The following CFAP157 variants were observed in gnomAD, a reference collection of about 807,000 sequenced individuals.
The protein encoded by CFAP157 is cilia and flagella associated protein 157.
CFAP157 carries 43 observed loss-of-function variants against 57.8 expected under a neutral mutation model. That is an observed-to-expected ratio of 0.74 (90% CI 0.58 to 0.96). The LOEUF (loss-of-function observed/expected upper bound fraction) is 0.96. Among genes scored for constraint, CFAP157 ranks in the 40% least tolerant of loss-of-function variants. The probability of loss-of-function intolerance (pLI) is 0.00; values close to 1 mark genes in which losing one functional copy is unlikely to be tolerated. For missense variants in CFAP157, 606 were observed against 655.3 expected (o/e 0.92, Z 0.82); for synonymous variants, 267 against 269.0 (o/e 0.99, Z 0.07).
chr9:127,708,091 C>T (rs1447685751), intron 1 of CFAP157, among the ~76,000 whole-genome samples: 1 of 152,212 alleles, frequency 6.6e-6, no homozygotes, highest in African/African-American at 2.4e-5. Context: ...CTCCTGACTC[C>T]CCTATGCAAG....
chr9:127,715,949 C>T lies in CFAP157; in HGVS notation c.*2044C>T, dbSNP rs956784004. 24 of 833,492 alleles carry T rather than the reference C, an allele frequency of 2.9e-5. No individual in the cohort carries two copies. The highest frequency in any genetic ancestry group is 3.7e-5 in the Non-Finnish European group (20 of 536,046). The allele number at this position is 833,492 out of a possible 1,614,324, so 51.6% of individuals were successfully genotyped here. A position where few individuals can be genotyped will look rare whatever the true frequency, so the allele number is the denominator to read the frequency against. On this transcript the variant is annotated 3_prime_UTR_variant, in exon 9 of 9. Coordinates refer to ENST00000373295, the MANE Select transcript of CFAP157 (RefSeq NM_001012502.3). The surrounding 1 kb of genome is among the most constrained non-coding windows in gnomAD (Gnocchi z 5.8). ...GACTTGCGGCGAAAATCTGGCAAGT[C>T]CTTTCCCCGCTGTAGGCCTCAACCT...
chr9:127,712,983 G>T, intron 7 of CFAP157, 37 bp from the exon 8 acceptor site: 2 of 1,604,690 alleles, frequency 1.2e-6, no homozygotes, highest in Non-Finnish European at 1.7e-6. Flanking sequence ...AACCTGGCTC[G>T]CCGAAGGCTC....
At position 127,713,054 on chromosome 9, in the gene CFAP157, C is replaced by G. The variant is rs1842804946; in HGVS notation, c.1339C>G (p.Leu447Val). ...CATCCAGCTGCCCAGGACTGGGTCTCTGCTGCCGCAGCTCTCTGACATCAC... is the reference window on the plus strand; with the variant it reads ...CATCCAGCTGCCCAGGACTGGGTCTGTGCTGCCGCAGCTCTCTGACATCAC... ...PSIQLPRTGS[L>V]LPQLSDITPY... The change falls in exon 8 of 9, where the codon CTG becomes GTG. Residue 447 changes from leucine (L) to valine (V), a missense_variant. Transcript: ENST00000373295. 1 of 1,613,768 alleles carries G rather than the reference C, an allele frequency of 6.2e-7. No individual in the cohort carries two copies.
In CFAP157 at chr9:127,711,401, C is replaced by A. The variant is rs1315778884; in HGVS notation, c.760C>A (p.Gln254Lys). The change falls in exon 4 of 9, where the codon CAG becomes AAG. Residue 254 changes from glutamine (Q) to lysine (K), a missense_variant. Gln to Lys is a moderately conservative substitution (Grantham distance 53). Transcript: ENST00000373295. ...CATGAAGCTGCTGCAGGAGAATGAG[C>A]AGCTCAAGGGAAGACAGAACAATCT... ...QGMKLLQENE[Q>K]LKGRQNNLCK... 1 of 1,614,204 alleles carries A rather than the reference C, an allele frequency of 6.2e-7. No homozygotes were observed.
chr9:127,710,403 G>A (rs778421938), intron 2 of CFAP157, among the ~76,000 whole-genome samples, 198 bp from the exon 3 acceptor site: 1 of 152,214 alleles, frequency 6.6e-6, no homozygotes, highest in Non-Finnish European at 1.5e-5. Context: ...ATGGAGGGGT[G>A]GAGGGAGGGC....
Position 127,713,196 on chromosome 9 carries a change from G to A in CFAP157, c.1481G>A (p.Ser494Asn). ...CGTGTGGGGACCTTCCGGGCACACA[G>A]CAGCCCTGAGGTGAGGGTGCCAGGG... ...ITRVGTFRAH[S>N]SPEMRAPGSL... Residue 494 changes from serine to asparagine, a missense_variant, in exon 8 of 9, where the codon AGC becomes AAC. Physicochemically the swap from Ser to Asn is conservative, Grantham distance 46. Coordinates refer to ENST00000373295, the MANE Select transcript of CFAP157 (RefSeq NM_001012502.3). 6.5e-7 allele frequency: 1 copy of A among 1,546,548 alleles called. No homozygotes were observed. The highest frequency in any genetic ancestry group is 1.2e-5 in the South Asian group (1 of 80,042).
chr9:127,711,240 A>G lies in CFAP157; in HGVS notation c.599A>G (p.Glu200Gly), dbSNP rs1384207974. The change falls in exon 4 of 9, where the codon GAG (glutamate) becomes GGG (glycine). Residue 200 changes from glutamate (E) to glycine (G), a missense_variant. Glu to Gly is a moderately conservative substitution (Grantham distance 98). Coordinates refer to ENST00000373295, the MANE Select transcript of CFAP157 (RefSeq NM_001012502.3). The part of the protein sequence containing the change: ...SVLDKDRLRK[E>G]IIQRVNLVAN... ...ACCTTTCTGGCCAGACTGAGGAAAGAGATCATCCAGCGCGTGAACCTCGTG... is the reference window on the plus strand; with the variant it reads ...ACCTTTCTGGCCAGACTGAGGAAAGGGATCATCCAGCGCGTGAACCTCGTG... 6.2e-7 allele frequency: 1 copy of G among 1,613,862 alleles called. No individual in the cohort carries two copies. Among genetic ancestry groups the G allele is most frequent in the Admixed American group, 1.7e-5 (1 of 59,994 alleles).
At position 127,711,930 on chromosome 9, in the gene CFAP157, G is replaced by C; in HGVS notation, c.966G>C (p.Gln322His). 6.2e-7 allele frequency: 1 copy of C among 1,606,420 alleles called. No individual in the cohort carries two copies. The highest frequency in any genetic ancestry group is 8.5e-7 in the Non-Finnish European group (1 of 1,177,722). Residue 322 changes from glutamine (Q) to histidine (H), a missense_variant, in exon 5 of 9, where the codon CAG becomes CAC. Gln to His is a conservative substitution (Grantham distance 24). Coordinates refer to ENST00000373295, the MANE Select transcript of CFAP157 (RefSeq NM_001012502.3). ...SQLEQRSLQL[Q>H]VDNQALKSQR... The stretch of plus-strand genomic sequence containing the variant: ...TGGAGCAGAGATCCCTGCAGCTGCA[G>C]GTGGATAACCAGGCACTGAAGTGCG...
At position 127,707,005 on chromosome 9, in the gene CFAP157, G is replaced by A. The variant is rs775809287; in HGVS notation, c.-27G>A. The A allele has an allele frequency of 6.2e-6, 10 of 1,611,930 alleles. No homozygotes were observed. Among genetic ancestry groups the A allele is most frequent in the Non-Finnish European group, 7.6e-6 (9 of 1,178,876 alleles). Reference sequence around the variant, plus strand: ...TAGCAACCACCTGGCCTCTTCCTGGGGCCTGGAGCCCTGGTTGCCATCAGC... The same window carrying A: ...TAGCAACCACCTGGCCTCTTCCTGGAGCCTGGAGCCCTGGTTGCCATCAGC... On this transcript the variant is annotated 5_prime_UTR_variant, in exon 1 of 9. Coordinates refer to ENST00000373295, the MANE Select transcript of CFAP157 (RefSeq NM_001012502.3).
chr9:127,709,914 G>C lies in CFAP157; in HGVS notation c.433+221G>C, dbSNP rs1252706426. ...GAAGTGTCGTGACCAAGGTCCCCCA[G>C]TTGGCAAGGGTTGTGAGGCTCAAAT... On this transcript the variant is annotated intron_variant, in intron 2 of 8. Coordinates refer to ENST00000373295, the MANE Select transcript of CFAP157 (RefSeq NM_001012502.3). The surrounding 1 kb of genome is among the most constrained non-coding windows in gnomAD (Gnocchi z 4.7). 6.6e-6 allele frequency among the ~76,000 whole-genome samples: 1 copy of C among 152,216 alleles called. No individual in the cohort carries two copies. Among genetic ancestry groups the C allele is most frequent in the African/African-American group, 2.4e-5 (1 of 41,462 alleles).
intron 6 of CFAP157, 175 bp from the exon 7 acceptor site, chr9:127,712,534 T>A (rs1842790207): frequency 6.6e-7 from 1 of 1,504,940 alleles, no homozygotes; most frequent in African/African-American, 1.4e-5. Context: ...AGGAGCTGGA[T>A]TCCTTCTCTG....
In CFAP157 at chr9:127,711,814, C is replaced by G; in HGVS notation, c.856-6C>G. 1.3e-6 allele frequency: 2 copies of G among 1,559,046 alleles called. No homozygotes were observed. The highest frequency in any genetic ancestry group is 4.8e-5 in the East Asian group (2 of 42,032). The stretch of plus-strand genomic sequence containing the variant: ...TGAGGGCATGGCCACCTGTCCGCAC[C>G]CGCAGATCATCCTCATGCTGACTAA... On this transcript the variant is annotated splice_region_variant and splice_polypyrimidine_tract_variant and intron_variant, in intron 4 of 8. Coordinates refer to ENST00000373295, the MANE Select transcript of CFAP157 (RefSeq NM_001012502.3).
Position 127,711,364 on chromosome 9 carries a change from C to G in CFAP157, c.723C>G (p.Val241=), listed in dbSNP as rs1183657574. The change falls in exon 4 of 9, where the codon GTC becomes GTG. Residue 241 remains valine, a synonymous_variant. Coordinates refer to ENST00000373295, the MANE Select transcript of CFAP157 (RefSeq NM_001012502.3). ...GCATTACCCTGCAGATGGCCAGGGT[C>G]TCCCAGCAAGGCATGAAGCTGCTGC... is the stretch of plus-strand genomic sequence containing the variant. ...NNGITLQMAR[V]SQQGMKLLQE... 6.2e-7 allele frequency: 1 copy of G among 1,614,208 alleles called. No homozygotes were observed. The highest frequency in any genetic ancestry group is 2.2e-5 in the East Asian group (1 of 44,892).
In CFAP157 at chr9:127,714,884, G is replaced by T. The variant is rs946002785; in HGVS notation, c.*979G>T. ...ACAGGTACTTGGAGGTGAACCCGCGGATCTGTCACAGCCAGTGCTCCCCTC... is the reference window on the plus strand; with the variant it reads ...ACAGGTACTTGGAGGTGAACCCGCGTATCTGTCACAGCCAGTGCTCCCCTC... On this transcript the variant is annotated 3_prime_UTR_variant, in exon 9 of 9. Coordinates refer to ENST00000373295, the MANE Select transcript of CFAP157 (RefSeq NM_001012502.3). 5 of 1,043,472 alleles carry T rather than the reference G, an allele frequency of 4.8e-6. No homozygotes were observed. The highest frequency in any genetic ancestry group is 6.9e-6 in the Non-Finnish European group (5 of 725,724). The allele number at this position is 1,043,472 out of a possible 1,614,324, so 64.6% of individuals were successfully genotyped here. A position where few individuals can be genotyped will look rare whatever the true frequency, so the allele number is the denominator to read the frequency against.
chr9:127,708,808 G>A (rs1167167139), intron 1 of CFAP157, among the ~76,000 whole-genome samples: 4 of 152,250 alleles, frequency 2.6e-5, no homozygotes, highest in Non-Finnish European at 5.9e-5. Flanking sequence ...GCCAAGAAGG[G>A]TCCACTGAGG....
At position 127,715,605 on chromosome 9, in the gene CFAP157, C is replaced by A; in HGVS notation, c.*1700C>A. The A allele has an allele frequency of 1.9e-6, 3 of 1,613,070 alleles. No individual in the cohort carries two copies. In the South Asian group the frequency reaches 3.3e-5, roughly 18 times the overall value. On this transcript the variant is annotated 3_prime_UTR_variant, in exon 9 of 9. Transcript: ENST00000373295. The surrounding 1 kb of genome is among the most constrained non-coding windows in gnomAD (Gnocchi z 5.8). The stretch of plus-strand genomic sequence containing the variant: ...ACATCGGCTCATGGCTCTACTCAGC[C>A]GCTGTCCGGCGCCCAAAAAGCCGCC...
At chr9:127,707,349 G>A (rs1004933020) in intron 1 of CFAP157, among the ~76,000 whole-genome samples, 157 bp downstream of exon 1, 2 of 152,168 alleles carry the variant, frequency 1.3e-5, no homozygotes, top group African/African-American at 4.8e-5. Context: ...TTCCTCATAC[G>A]TACCTTTGGG....
In CFAP157 at chr9:127,714,235, C is replaced by T. The variant is rs750188015; in HGVS notation, c.*330C>T. ...AGCCCAGCACATGGGCCTGAACCGC[C>T]TCAGGGTGCGCCGGGCGCCCGATAC... On this transcript the variant is annotated 3_prime_UTR_variant, in exon 9 of 9. Transcript: ENST00000373295. 12 of 1,614,020 alleles carry T rather than the reference C, an allele frequency of 7.4e-6. No homozygotes were observed. Among genetic ancestry groups the T allele is most frequent in the Non-Finnish European group, 1.0e-5 (12 of 1,180,020 alleles).
rs1315888871 is a variant in CFAP157, at chr9:127,711,309, C to A, written c.668C>A (p.Thr223Lys). The A allele has an allele frequency of 1.9e-6, 3 of 1,614,058 alleles. No individual in the cohort carries two copies. The African/African-American group carries it at 4.0e-5, about 22-fold the overall frequency. The change falls in exon 4 of 9, where the codon ACA (threonine) becomes AAA (lysine). Residue 223 changes from threonine to lysine, a missense_variant. By Grantham distance (78) the Thr-to-Lys change is moderately conservative (BLOSUM62 -1). Coordinates refer to ENST00000373295, the MANE Select transcript of CFAP157 (RefSeq NM_001012502.3). Reference sequence around the variant, plus strand: ...GTGACCACGAACCGGATGTGGGAGACAACCAAGCGGGCCATCAAAGAGAAC... The same window carrying A: ...GTGACCACGAACCGGATGTGGGAGAAAACCAAGCGGGCCATCAAAGAGAAC... ...HKVTTNRMWETTKRAIKENNG... is the reference protein window; with the variant it reads ...HKVTTNRMWEKTKRAIKENNG...
Sources: gnomAD v4.1 joint callset for allele counts (sites outside exome capture counted in the v4.1 genomes callset) on GRCh38, gnomAD v4.1.1 for gene constraint, Gnocchi (gnomAD v3.1) non-coding constraint, MANE v1.5 for transcripts, NCBI Gene and HGNC (gene_info 2026-07-23, HGNC 2026-07-21) for gene names.